The following RDH10 variants were observed in gnomAD, a reference collection of about 807,000 sequenced individuals.
The protein encoded by RDH10 is retinol dehydrogenase 10.
In RDH10, 12 loss-of-function variants were observed where a neutral mutation model predicts 30.2. That is an observed-to-expected ratio of 0.40 (90% CI 0.25 to 0.64). The LOEUF (loss-of-function observed/expected upper bound fraction) is 0.64, where lower values mean the gene tolerates loss of function less well. Ranked by LOEUF, RDH10 falls within the 30% of genes least tolerant of loss-of-function variation. The probability of loss-of-function intolerance (pLI) is 0.43; values close to 1 mark genes in which losing one functional copy is unlikely to be tolerated. For missense variants in RDH10, 268 were observed against 445.2 expected (o/e 0.60, Z 3.58); for synonymous variants, 189 against 172.2 (o/e 1.10, Z -0.76).
intron 2 of RDH10, among the ~76,000 whole-genome samples, chr8:73,300,015 A>G (rs1335311280): frequency 1.3e-5 from 2 of 152,212 alleles, no homozygotes; most frequent in Non-Finnish European, 1.5e-5. Flanking sequence ...ACCTTCCTAG[A>G]GTCATCACTG....
At chr8:73,318,566 C>T (rs1334855771) in intron 2 of RDH10, among the ~76,000 whole-genome samples, 1 of 152,208 alleles carries the variant, frequency 6.6e-6, no homozygotes, top group Non-Finnish European at 1.5e-5. Flanking sequence ...ACTTTGTCTC[C>T]TGCTAGTACA....
intron 4 of RDH10, chr8:73,322,254 C>T (rs1445745938): frequency 1.8e-5 from 6 of 325,802 alleles, no homozygotes; most frequent in Non-Finnish European, 3.6e-5. Context: ...AAAGTGGATA[C>T]CTGTGGCCTT....
At chr8:73,315,603 T>C in intron 2 of RDH10, 1 of 455,916 alleles carries the variant, frequency 2.2e-6, no homozygotes, top group Non-Finnish European at 4.4e-6. Flanking sequence ...AGTCATTTAA[T>C]ACCTGCAGGC....
chr8:73,319,062 T>G, intron 2 of RDH10, 34 bp from the exon 3 acceptor site: 1 of 1,407,476 alleles, frequency 7.1e-7, no homozygotes, highest in Non-Finnish European at 1.0e-6. Flanking sequence ...ATTCATGAAA[T>G]CAGTTCTAAA....
intron 1 of RDH10, 107 bp downstream of exon 1, chr8:73,295,685 G>A: frequency 8.7e-7 from 1 of 1,155,418 alleles, no homozygotes; most frequent in African/African-American, 1.6e-5. Context: ...CGCTGTGGAG[G>A]AAAGGAACAC....
intron 3 of RDH10, 63 bp from the exon 4 acceptor site, chr8:73,320,869 T>G (rs2130382198): frequency 1.3e-6 from 2 of 1,532,382 alleles, no homozygotes; most frequent in East Asian, 2.3e-5. Context: ...CAGGGAAGCT[T>G]TAGTTTGGTT....
intron 2 of RDH10, among the ~76,000 whole-genome samples, chr8:73,307,280 G>C (rs568242451): frequency 1.4e-3 from 209 of 152,298 alleles, no homozygotes; most frequent in African/African-American, 4.8e-3. Context: ...CAACTGCTTA[G>C]CAGTGTTTTT....
At position 73,297,779 on chromosome 8, in the gene RDH10, T is replaced by G. The variant is rs146837072; in HGVS notation, c.525+350T>G. On this transcript the variant is annotated intron_variant, in intron 2 of 5. Coordinates refer to ENST00000240285, the MANE Select transcript of RDH10 (RefSeq NM_172037.5). ...AACATTGGTTGTTCTTATGAATTTC[T>G]AAAGTCAGGATTTAGGCTTCCAAAT... 561 of 231,820 alleles carry G rather than the reference T, an allele frequency of 2.4e-3. 8 individuals are homozygous for G. The Middle Eastern group carries it at 0.025, about 10-fold the overall frequency. 14.4% of individuals were successfully genotyped at this position (231,820 alleles called of 1,614,324 possible).
At chr8:73,307,003 A>G (rs1302168933) in intron 2 of RDH10, among the ~76,000 whole-genome samples, 2 of 152,214 alleles carry the variant, frequency 1.3e-5, no homozygotes, top group African/African-American at 4.8e-5. Flanking sequence ...TGATTTCTTA[A>G]GGGTTTTTTA....
At chr8:73,306,661 T>G (rs1814467214) in intron 2 of RDH10, among the ~76,000 whole-genome samples, 1 of 152,230 alleles carries the variant, frequency 6.6e-6, no homozygotes, top group Non-Finnish European at 1.5e-5. Context: ...AAAACATTAC[T>G]TGGTCTGTGA....
chr8:73,300,274 G>C (rs781341535), intron 2 of RDH10: 1 of 152,178 alleles, frequency 6.6e-6, no homozygotes, highest in African/African-American at 2.4e-5. Flanking sequence ...AAATTTAAAG[G>C]AAAATTCAGT....
At chr8:73,315,577 G>A in intron 2 of RDH10, 1 of 455,876 alleles carries the variant, frequency 2.2e-6, no homozygotes, top group Non-Finnish European at 4.4e-6. Flanking sequence ...TTGATGTGGT[G>A]CTGGGGATCT....
At chr8:73,319,337 T>C in intron 3 of RDH10, 143 bp downstream of exon 3, 1 of 589,586 alleles carries the variant, frequency 1.7e-6, no homozygotes, top group Admixed American at 3.1e-5. Flanking sequence ...ATGTAGAATG[T>C]TCCACAGGAA....
At chr8:73,318,716 C>T (rs779225224) in intron 2 of RDH10, among the ~76,000 whole-genome samples, 11 of 152,210 alleles carry the variant, frequency 7.2e-5, no homozygotes, top group Non-Finnish European at 1.6e-4. Context: ...CCCTCCTAAA[C>T]CATGAGATAG....
intron 3 of RDH10, among the ~76,000 whole-genome samples, chr8:73,319,800 A>G (rs1188918581): frequency 3.3e-5 from 5 of 152,208 alleles, no homozygotes; most frequent in Non-Finnish European, 5.9e-5. Context: ...AGCCCATCAG[A>G]TGAGGCGGTC....
rs149310414 is a variant in RDH10 at position 73,312,609 on chromosome 8, A to G, written c.526-6487A>G. 5.6e-4 allele frequency: 86 copies of G among 152,386 alleles called. 2 individuals carry two copies. Among genetic ancestry groups the G allele is most frequent in the African/African-American group, 2.0e-3 (83 of 41,594 alleles). 9.4% of individuals were successfully genotyped at this position (152,386 alleles called of 1,614,324 possible). On this transcript the variant is annotated intron_variant, in intron 2 of 5. Transcript: ENST00000240285. ...GCTGCACAGGCAGAAGGGGTGGAAC[A>G]GTAGAGGAAAGTTGCCCAACCATGT...
chr8:73,323,083 T>C lies in RDH10; in HGVS notation c.*47T>C. The C allele has an allele frequency of 6.7e-7, 1 of 1,501,538 alleles. No homozygotes were observed. The highest frequency in any genetic ancestry group is 1.1e-5 in the South Asian group (1 of 88,416). The allele number at this position is 1,501,538 out of a possible 1,614,324, so 93.0% of individuals were successfully genotyped here. On this transcript the variant is annotated 3_prime_UTR_variant, in exon 6 of 6. Coordinates refer to ENST00000240285, the MANE Select transcript of RDH10 (RefSeq NM_172037.5). ...TACTTCTATCAGAAGATGATCAAGA[T>C]GTTTCAGTCCAGTGCACATCAGCAT...
At chr8:73,322,583 C>A in intron 4 of RDH10, 96 bp from the exon 5 acceptor site, 1 of 1,027,064 alleles carries the variant, frequency 9.7e-7, no homozygotes, top group Non-Finnish European at 1.4e-6. Context: ...AAAATCCCAT[C>A]ACTCAGATAA....
At position 73,324,910 on chromosome 8, in the gene RDH10, T is replaced by C. The variant is rs1197453624; in HGVS notation, c.*1874T>C. The C allele has an allele frequency of 6.6e-6, 1 of 152,232 alleles. No homozygotes were observed. Among genetic ancestry groups the C allele is most frequent in the Non-Finnish European group, 1.5e-5 (1 of 68,036 alleles). 9.4% of individuals were successfully genotyped at this position (152,232 alleles called of 1,614,324 possible). ...CAGGACTTGAGGAAGAGCTCTGTTA[T>C]ATGTTTCCATTTCTCTTTATCAAAG... On this transcript the variant is annotated 3_prime_UTR_variant, in exon 6 of 6. Coordinates refer to ENST00000240285, the MANE Select transcript of RDH10 (RefSeq NM_172037.5).
Sources: gnomAD v4.1 joint callset for allele counts (sites outside exome capture counted in the v4.1 genomes callset) on GRCh38, gnomAD v4.1.1 for gene constraint, MANE v1.5 for transcripts, NCBI Gene and HGNC (gene_info 2026-07-23, HGNC 2026-07-21) for gene names.